Variants in OLAH observed in about 807,000 individuals in gnomAD.
OLAH encodes the protein oleoyl-ACP hydrolase, also known as S-acyl fatty acid synthase thioesterase, medium chain.
OLAH carries 33 observed loss-of-function variants against 27.8 expected under a neutral mutation model. That is an observed-to-expected ratio of 1.19 (90% confidence interval 0.90 to 1.59). The LOEUF (loss-of-function observed/expected upper bound fraction) is 1.59. Among genes scored for constraint, OLAH ranks in the 40% most tolerant of loss-of-function variants. The pLI is 0.00. For synonymous variants in OLAH, 120 were observed against 102.9 expected, an observed-to-expected ratio of 1.17 and a Z score of -1.01; for missense variants, 359 against 310.8, an observed-to-expected ratio of 1.16 and a Z score of -1.17.
At chr10:15,042,075 ATTGAGT>A (rs997001579), upstream of OLAH, among the ~76,000 whole-genome samples, 1 of 152,060 alleles carries the variant, frequency 6.6e-6, no homozygotes, top group African/African-American at 2.4e-5. Flanking sequence ...TGCATCGGTA[ATTGAGT>A]TTGAGGAGAG....
chr10:15,042,825 C>G (rs1046487966), upstream of OLAH, among the ~76,000 whole-genome samples: 1 of 141,228 alleles, frequency 7.1e-6, no homozygotes, highest in Non-Finnish European at 1.5e-5. Flanking sequence ...GATTTGCCCT[C>G]TGGTCTGTTT....
At chr10:15,045,525 C>T (rs1214736330) in intron 1 of OLAH, among the ~76,000 whole-genome samples, 1 of 152,134 alleles carries the variant, frequency 6.6e-6, no homozygotes, top group African/African-American at 2.4e-5. Context: ...TTGATGGTGG[C>T]TCTGGCCCAG....
At chr10:15,064,644 C>A (rs2131372395) in intron 5 of OLAH, 142 bp downstream of exon 5, 1 of 557,134 alleles carries the variant, frequency 1.8e-6, no homozygotes. Context: ...GTGCAAAAGC[C>A]ATTGAGGTTT....
intron 1 of OLAH, among the ~76,000 whole-genome samples, chr10:15,036,495 C>A (rs964958902): frequency 2.0e-5 from 3 of 151,880 alleles, no homozygotes; most frequent in Non-Finnish European, 2.9e-5. Context: ...GAGACTCTAT[C>A]CCCCCAAAAA....
intron 7 of OLAH, 47 bp from the exon 8 acceptor site, chr10:15,073,040 T>C (rs759815799): frequency 4.3e-5 from 67 of 1,575,462 alleles, no homozygotes; most frequent in Non-Finnish European, 4.1e-5. Flanking sequence ...TGTGAATCTT[T>C]AGTTGCTGTT....
At chr10:15,052,553 G>A (rs921105606) in intron 3 of OLAH, among the ~76,000 whole-genome samples, 1 of 152,082 alleles carries the variant, frequency 6.6e-6, no homozygotes, top group African/African-American at 2.4e-5. Flanking sequence ...GATTACAGGT[G>A]TAAACTACAG....
intron 6 of OLAH, among the ~76,000 whole-genome samples, chr10:15,066,353 A>C (rs1019441349): frequency 1.3e-5 from 2 of 152,098 alleles, no homozygotes; most frequent in Non-Finnish European, 2.9e-5. Context: ...AATTAATGCC[A>C]AAGCATTTTC....
chr10:15,061,716 A>T lies in OLAH; in HGVS notation c.164-8A>T. On this transcript the variant is annotated splice_polypyrimidine_tract_variant and splice_region_variant and intron_variant, in intron 3 of 7. Transcript: ENST00000378228. ...TGTGCGTGTTCACTTGTGTTTCTCC[A>T]TCTCCAGTGCACTCCTTAAGGCTTC... The T allele has an allele frequency of 6.3e-7, 1 of 1,591,022 alleles. No homozygotes were observed. Among genetic ancestry groups the T allele is most frequent in the Non-Finnish European group, 8.5e-7 (1 of 1,170,390 alleles).
At chr10:15,068,353 A>T (rs1844507435) in intron 6 of OLAH, among the ~76,000 whole-genome samples, 3 of 152,088 alleles carry the variant, frequency 2.0e-5, no homozygotes. Flanking sequence ...GCCTCTTAAC[A>T]ATGGGTTATT....
Position 15,051,078 on chromosome 10 carries a change from A to ATTTT in OLAH, c.163+1325_163+1328dup, listed in dbSNP as rs35201278. On this transcript the variant is annotated intron_variant, in intron 3 of 7. Coordinates refer to ENST00000378228, the MANE Select transcript of OLAH (RefSeq NM_001039702.3). ...AAGACTGTTTATTATTATTATTATTATTTTTTTTTTTTTTTGAGATGGAGT... is the reference window on the plus strand; with the variant it reads ...AAGACTGTTTATTATTATTATTATTATTTTTTTTTTTTTTTTTTTGAGATGGAGT... Among the ~76,000 whole-genome samples, 154 of 134,838 alleles carry ATTTT rather than the reference A, an allele frequency of 1.1e-3. 1 individual carries two copies. Among genetic ancestry groups the ATTTT allele is most frequent in the African/African-American group, 4.0e-3 (140 of 35,036 alleles). 88.5% of individuals were successfully genotyped at this position (134,838 alleles called of 152,430 possible).
At chr10:15,055,886 G>A (rs1844236008) in intron 3 of OLAH, among the ~76,000 whole-genome samples, 1 of 143,778 alleles carries the variant, frequency 7.0e-6, no homozygotes, top group African/African-American at 2.6e-5. Flanking sequence ...GTCTCACTCT[G>A]TCCCTCAGGC....
intron 3 of OLAH, 34 bp from the exon 4 acceptor site, chr10:15,061,690 C>G: frequency 3.9e-6 from 6 of 1,547,766 alleles, no homozygotes; most frequent in Non-Finnish European, 5.2e-6. Context: ...CATTCACTGT[C>G]TGTGCGTGTT....
At chr10:15,044,520 T>C (rs1843979046) in intron 1 of OLAH, among the ~76,000 whole-genome samples, 1 of 152,020 alleles carries the variant, frequency 6.6e-6, no homozygotes, top group African/African-American at 2.4e-5. Context: ...AATGGTGCAA[T>C]CTCGGCTCAC....
At position 15,049,747 on chromosome 10, in the gene OLAH, A is replaced by G. The variant is rs1286788386; in HGVS notation, c.145A>G (p.Thr49Ala). 2 of 1,605,506 alleles carry G rather than the reference A, an allele frequency of 1.2e-6. No homozygotes were observed. The highest frequency in any genetic ancestry group is 1.7e-6 in the Non-Finnish European group (2 of 1,177,950). Residue 49 changes from threonine (T) to alanine (A), a missense_variant, in exon 3 of 8, where the codon ACT becomes GCT. Coordinates refer to ENST00000378228, the MANE Select transcript of OLAH (RefSeq NM_001039702.3). ...STHFAKWGQD[T>A]HDLLEVHSLR... ...TCATTTTGCCAAATGGGGCCAAGAT[A>G]CTCATGATTTGCTGGAAGGTATGTT...
chr10:15,032,745 C>A (rs987167511), intron 1 of OLAH, among the ~76,000 whole-genome samples: 24 of 152,066 alleles, frequency 1.6e-4, no homozygotes, highest in Non-Finnish European at 3.2e-4. Context: ...TTCCGAAATG[C>A]TTCTCAAAAG....
rs1383766929 is a variant in OLAH, at chr10:15,049,669, C to A, written c.67C>A (p.Pro23Thr). The change falls in exon 3 of 8, where the codon CCT becomes ACT. Residue 23 changes from proline to threonine, a missense_variant. Transcript: ENST00000378228. ...CATTTTCAACTGCTTATACAAAAAC[C>A]CTGAGGCAACTTTTAAGCTGATTTG... is the stretch of plus-strand genomic sequence containing the variant. ...ENIFNCLYKN[P>T]EATFKLICFP... is the part of the protein sequence containing the mutation. 1.2e-6 allele frequency: 2 copies of A among 1,603,330 alleles called. No homozygotes were observed. Among genetic ancestry groups the A allele is most frequent in the African/African-American group, 1.3e-5 (1 of 74,316 alleles).
rs191047246 is a variant in OLAH at position 15,038,204 on chromosome 10, C to T, written c.-164+5854C>T. Among the ~76,000 whole-genome samples, 6 of 152,344 alleles carry T rather than the reference C, an allele frequency of 3.9e-5. No homozygotes were observed. The East Asian group carries it at 9.6e-4, about 24-fold the overall frequency. ...CTGTATTTACCCAATGCCTGTACCC[C>T]ATTGTATCTAGGAAGTAACTAACTT... On this transcript the variant is annotated intron_variant, in intron 1 of 3. Transcript: ENST00000413672.
chr10:15,050,391 C>T (rs1026115082), intron 3 of OLAH, among the ~76,000 whole-genome samples: 2 of 152,038 alleles, frequency 1.3e-5, no homozygotes, highest in African/African-American at 2.4e-5. Context: ...CCTCAGCCTC[C>T]GAAGTAGCTG....
At chr10:15,062,037 C>T in intron 4 of OLAH, 175 bp downstream of exon 4, 4 of 552,432 alleles carry the variant, frequency 7.2e-6, no homozygotes, top group Non-Finnish European at 1.2e-5. Flanking sequence ...GTAAGTATAC[C>T]TATTTTTTTT....
Sources: gnomAD v4.1 joint callset for allele counts (sites outside exome capture counted in the v4.1 genomes callset) on GRCh38, gnomAD v4.1.1 for gene constraint, MANE v1.5 for transcripts, NCBI Gene and HGNC (gene_info 2026-07-23, HGNC 2026-07-21) for gene names.